Variants in GPM6A observed in about 807,000 individuals in gnomAD.
The protein encoded by GPM6A is neuronal membrane glycoprotein M6-a.
In GPM6A, 7 loss-of-function variants were observed where a neutral mutation model predicts 32.1. The ratio of observed to expected loss-of-function variants is 0.22; its 90% CI spans 0.12 to 0.41. The LOEUF (loss-of-function observed/expected upper bound fraction) is 0.41, where lower values mean the gene tolerates loss of function less well. Ranked by LOEUF, GPM6A falls within the 10% of genes least tolerant of loss-of-function variation. The pLI, the probability that GPM6A is intolerant of heterozygous loss-of-function variation, is 1.00. For synonymous variants in GPM6A, 130 were observed against 123.4 expected, an observed-to-expected ratio of 1.05 and a Z score of -0.35; for missense variants, 235 against 347.2, an observed-to-expected ratio of 0.68 and a Z score of 2.57.
intron 1 of GPM6A, among the ~76,000 whole-genome samples, chr4:175,783,082 TTTTA>T (rs1166531075): frequency 6.6e-6 from 1 of 152,124 alleles, no homozygotes; most frequent in Admixed American, 6.5e-5. Flanking sequence ...TGTGACCTTG[TTTTA>T]TTTATCAAAA....
chr4:175,877,971 A>C (rs1394736615), intron 1 of GPM6A, among the ~76,000 whole-genome samples: 7 of 152,194 alleles, frequency 4.6e-5, no homozygotes, highest in Non-Finnish European at 1.0e-4. Flanking sequence ...AAATGGGAGA[A>C]ATTGGCCAAA....
chr4:175,720,491 A>C (rs1179012469), intron 1 of GPM6A, among the ~76,000 whole-genome samples: 4 of 152,168 alleles, frequency 2.6e-5, no homozygotes, highest in African/African-American at 9.7e-5. Context: ...TTATTTCTAG[A>C]ATATGCTTTA....
chr4:175,990,408 G>T (rs1359418853), intron 1 of GPM6A, among the ~76,000 whole-genome samples: 3 of 152,104 alleles, frequency 2.0e-5, no homozygotes, highest in Non-Finnish European at 4.4e-5. Flanking sequence ...ATTTAATCTA[G>T]ATCTCTGTGT....
intron 1 of GPM6A, among the ~76,000 whole-genome samples, chr4:175,757,713 T>C (rs1026079253): frequency 6.6e-6 from 1 of 152,124 alleles, no homozygotes; most frequent in Non-Finnish European, 1.5e-5. Context: ...AAAAGACATG[T>C]AATGAGAAGA....
intron 1 of GPM6A, among the ~76,000 whole-genome samples, chr4:175,917,599 C>G (rs1398871040): frequency 6.6e-6 from 1 of 152,128 alleles, no homozygotes; most frequent in Non-Finnish European, 1.5e-5. Context: ...TAAAAATCCA[C>G]CTAACAGATG....
intron 1 of GPM6A, among the ~76,000 whole-genome samples, chr4:175,883,062 G>A (rs191528830): frequency 2.5e-4 from 38 of 152,152 alleles, no homozygotes; most frequent in African/African-American, 8.9e-4. Flanking sequence ...GAGAAGAGTA[G>A]CTCACATGGC....
At chr4:175,661,352 T>G (rs1742399414) in intron 3 of GPM6A, among the ~76,000 whole-genome samples, 1 of 151,430 alleles carries the variant, frequency 6.6e-6, no homozygotes. Flanking sequence ...GGAGAATCAC[T>G]TGAACCCAGG....
At chr4:175,805,894 C>T (rs1045835433) in intron 1 of GPM6A, 6 of 152,082 alleles carry the variant, frequency 3.9e-5, no homozygotes, top group African/African-American at 1.4e-4. Flanking sequence ...AATCAGTTAT[C>T]TTCTGTTTTT....
chr4:175,986,985 A>G (rs922816126), intron 1 of GPM6A, among the ~76,000 whole-genome samples: 4 of 152,212 alleles, frequency 2.6e-5, no homozygotes, highest in Non-Finnish European at 5.9e-5. Flanking sequence ...AAATCATTTC[A>G]AAGTTTTATG....
At chr4:175,767,169 G>A (rs141576356) in intron 1 of GPM6A, among the ~76,000 whole-genome samples, 95 of 152,220 alleles carry the variant, frequency 6.2e-4, no homozygotes, top group African/African-American at 2.1e-3. Context: ...TAAATATTCA[G>A]TGGGCACATC....
intron 1 of GPM6A, among the ~76,000 whole-genome samples, chr4:175,733,523 CA>C (rs1731524147): frequency 6.6e-6 from 1 of 152,044 alleles, no homozygotes; most frequent in African/African-American, 2.4e-5. Context: ...AATGAATAAA[CA>C]AGCAAACTAA....
intron 1 of GPM6A, among the ~76,000 whole-genome samples, chr4:175,963,711 T>C (rs1236508984): frequency 2.0e-5 from 3 of 152,138 alleles, no homozygotes; most frequent in African/African-American, 4.8e-5. Flanking sequence ...AAGGAATAAA[T>C]AAGGGTAAAA....
intron 1 of GPM6A, among the ~76,000 whole-genome samples, chr4:175,975,054 C>T (rs1361889778): frequency 6.6e-6 from 1 of 152,190 alleles, no homozygotes; most frequent in Non-Finnish European, 1.5e-5. Flanking sequence ...CACTTTCAGC[C>T]TTCACACATG....
At chr4:175,912,067 A>G (rs2132337) in intron 1 of GPM6A, among the ~76,000 whole-genome samples, 98,787 of 151,978 alleles carry the variant, frequency 0.65, 37,110 homozygotes, top group Non-Finnish European at 0.83. Flanking sequence ...TTCACACAGC[A>G]AAGGAATACA....
In GPM6A at chr4:175,865,113, AT is replaced by A. The variant is rs151253166; in HGVS notation, c.-22-52865del. 1.1e-4 allele frequency among the ~76,000 whole-genome samples: 17 copies of A among 151,960 alleles called. 1 individual carries two copies. In the East Asian group the frequency reaches 3.3e-3, roughly 29 times the overall value. On this transcript the variant is annotated intron_variant, in intron 1 of 7. Transcript: ENST00000280187. ...GGCGTGAGTCACTGTGCCTGGTCTCATTTTTTTTATATAGTATGAGGTAATA... is the reference window on the plus strand; with the variant it reads ...GGCGTGAGTCACTGTGCCTGGTCTCATTTTTTTATATAGTATGAGGTAATA...
chr4:175,840,430 C>T (rs1329562965), intron 1 of GPM6A, among the ~76,000 whole-genome samples: 1 of 152,182 alleles, frequency 6.6e-6, no homozygotes, highest in Non-Finnish European at 1.5e-5. Context: ...GTAATCCCAG[C>T]ACTTTGGGAG....
chr4:175,687,203 CTT>C (rs1048612847), intron 2 of GPM6A, among the ~76,000 whole-genome samples: 11 of 152,222 alleles, frequency 7.2e-5, no homozygotes, highest in Non-Finnish European at 2.9e-5. Flanking sequence ...GATTTACTCT[CTT>C]AACATATTTT....
At chr4:175,759,070 G>C (rs1732639923) in intron 1 of GPM6A, among the ~76,000 whole-genome samples, 1 of 152,116 alleles carries the variant, frequency 6.6e-6, no homozygotes, top group African/African-American at 2.4e-5. Context: ...CATGCAATCA[G>C]CCATTCAAAA....
intron 1 of GPM6A, chr4:175,962,374 TGA>T: frequency 1.3e-6 from 1 of 756,400 alleles, no homozygotes; most frequent in Non-Finnish European, 2.4e-6. Context: ...TCCCTGTTGC[TGA>T]GAGACCACTC....
Sources: allele counts gnomAD v4.1 joint callset (sites outside exome capture counted in the v4.1 genomes callset), GRCh38; gene constraint gnomAD v4.1.1; transcripts MANE v1.5; gene names NCBI Gene and HGNC (gene_info 2026-07-23, HGNC 2026-07-21).